CYP4Z1: variants seen among roughly 807,000 people sequenced by gnomAD.
CYP4Z1 encodes cytochrome P450 family 4 subfamily Z member 1, also known as cytochrome P450 4Z1.
In CYP4Z1, 41 loss-of-function variants were observed where a neutral mutation model predicts 54.2. That is an observed-to-expected ratio of 0.76 (90% CI 0.59 to 0.98). CYP4Z1 has a LOEUF of 0.98. Among genes scored for constraint, CYP4Z1 ranks in the 50% least tolerant of loss-of-function variants. The pLI, the probability that CYP4Z1 is intolerant of heterozygous loss-of-function variation, is 0.00. For missense variants in CYP4Z1, 513 were observed against 599.0 expected (o/e 0.86, Z 1.50); for synonymous variants, 163 against 206.2 (o/e 0.79, Z 1.79).
intron 9 of CYP4Z1, among the ~76,000 whole-genome samples, chr1:47,106,868 G>A (rs1644760992): frequency 6.6e-6 from 1 of 152,200 alleles, no homozygotes; most frequent in African/African-American, 2.4e-5. Context: ...ATACATTGGT[G>A]GAATGCAAGA....
Position 47,115,529 on chromosome 1 carries a change from G to T in CYP4Z1, c.1202G>T (p.Gly401Val), listed in dbSNP as rs747792357. 17 of 1,612,642 alleles carry T rather than the reference G, an allele frequency of 1.1e-5. No homozygotes were observed. The highest frequency in any genetic ancestry group is 9.9e-5 in the South Asian group (9 of 90,966). The change falls in exon 10 of 12, where the codon GGA becomes GTA. Residue 401 changes from glycine to valine, a missense_variant and splice_region_variant. Physicochemically the swap from Gly to Val is moderately radical, Grantham distance 109. Coordinates refer to ENST00000334194, the MANE Select transcript of CYP4Z1 (RefSeq NM_178134.3). ...CCTGCTTTTTCTTCTGTTTACTCAG[G>T]AATAACTGTGTTTATCAATATTTGG... ...TFPDGRSLPA[G>V]ITVFINIWAL...
chr1:47,062,739 T>G (rs9729445), upstream of CYP4Z1, among the ~76,000 whole-genome samples: 63,209 of 151,930 alleles, frequency 0.42, 14,473 homozygotes, highest in East Asian at 0.97. Flanking sequence ...GACCCCACCT[T>G]GTGGTCTTTC....
chr1:47,105,745 C>A (rs1292993447), intron 8 of CYP4Z1, among the ~76,000 whole-genome samples: 1 of 152,126 alleles, frequency 6.6e-6, no homozygotes, highest in Non-Finnish European at 1.5e-5. Flanking sequence ...AGAGCCACAT[C>A]CCTATTTTAT....
At chr1:47,077,685 A>AT (rs1569707879) in intron 2 of CYP4Z1, among the ~76,000 whole-genome samples, 1 of 149,564 alleles carries the variant, frequency 6.7e-6, no homozygotes, top group East Asian at 1.9e-4. Context: ...CAGTGGTGTC[A>AT]TCATAGCTCA....
At chr1:47,062,394 C>T (rs1193143711), upstream of CYP4Z1, among the ~76,000 whole-genome samples, 1 of 152,200 alleles carries the variant, frequency 6.6e-6, no homozygotes, top group Non-Finnish European at 1.5e-5. Context: ...AAGCCAAAAA[C>T]TGTGATTCTG....
intron 6 of CYP4Z1, among the ~76,000 whole-genome samples, chr1:47,092,849 T>TATCA (rs1437042188): frequency 6.8e-6 from 1 of 146,976 alleles, no homozygotes; most frequent in African/African-American, 2.5e-5. Flanking sequence ...TCTAAATACC[T>TATCA]ATCAGGGTCA....
intron 2 of CYP4Z1, among the ~76,000 whole-genome samples, chr1:47,076,840 G>A (rs1349798160): frequency 2.3e-4 from 5 of 22,128 alleles, no homozygotes; most frequent in African/African-American, 1.2e-3. Flanking sequence ...GCCAGACGCT[G>A]TCTCAAAAAA....
chr1:47,084,149 A>G (rs1644575137), intron 4 of CYP4Z1, among the ~76,000 whole-genome samples: 1 of 152,188 alleles, frequency 6.6e-6, no homozygotes, highest in African/African-American at 2.4e-5. Context: ...TCTTAACTGC[A>G]AACTCTTTGA....
In CYP4Z1 at chr1:47,116,568, G is replaced by A. The variant is rs541738045; in HGVS notation, c.1267-82G>A. 19 of 882,046 alleles carry A rather than the reference G, an allele frequency of 2.2e-5. No homozygotes were observed. In the African/African-American group the frequency reaches 2.9e-4, roughly 14 times the overall value. 54.6% of individuals were successfully genotyped at this position (882,046 alleles called of 1,614,324 possible). On this transcript the variant is annotated intron_variant, in intron 10 of 11. Transcript: ENST00000334194. Reference sequence around the variant, plus strand: ...TTGGAATTCTGTTAACAATATCTATGGATTTCGTTTTTGTTTTTGTTTTTG... The same window carrying A: ...TTGGAATTCTGTTAACAATATCTATAGATTTCGTTTTTGTTTTTGTTTTTG...
chr1:47,086,225 G>C (rs959305564), intron 6 of CYP4Z1, among the ~76,000 whole-genome samples: 13 of 152,034 alleles, frequency 8.6e-5, no homozygotes, highest in East Asian at 3.9e-4. Context: ...GGGATGGCTG[G>C]GTCAAATGGT....
intron 6 of CYP4Z1, among the ~76,000 whole-genome samples, chr1:47,089,858 C>T (rs935631599): frequency 6.6e-6 from 1 of 152,272 alleles, no homozygotes; most frequent in Middle Eastern, 3.2e-3. Context: ...CCCTTCACAG[C>T]AGTTAGGTTT....
chr1:47,103,595 C>CTTT (rs373166937), intron 8 of CYP4Z1, among the ~76,000 whole-genome samples: 10 of 96,034 alleles, frequency 1.0e-4, no homozygotes, highest in Non-Finnish European at 8.1e-5. Flanking sequence ...TCTTTTTTTT[C>CTTT]TTTTTTTTTT....
chr1:47,114,276 C>A (rs940041058), intron 9 of CYP4Z1, among the ~76,000 whole-genome samples: 1 of 152,202 alleles, frequency 6.6e-6, no homozygotes, highest in Admixed American at 6.5e-5. Context: ...CTTCCTTACA[C>A]CTTATACAAA....
chr1:47,069,551 C>A (rs1644477057), intron 2 of CYP4Z1, among the ~76,000 whole-genome samples: 1 of 151,522 alleles, frequency 6.6e-6, no homozygotes, highest in Non-Finnish European at 1.5e-5. Flanking sequence ...CTTTACTCTG[C>A]TCCCCTTTAT....
chr1:47,117,930 G>C lies in CYP4Z1; in HGVS notation c.1514G>C (p.Cys505Ser), dbSNP rs1644842943. 1.2e-6 allele frequency: 2 copies of C among 1,612,542 alleles called. No homozygotes were observed. The highest frequency in any genetic ancestry group is 1.7e-6 in the Non-Finnish European group (2 of 1,179,420). ...ATCCATGTGTTTGCAAAAAAAGTTT[G>C]CTAATTTTAAGTCCTTTCGTATAAG... ...NGIHVFAKKV[C>S] Residue 505 changes from cysteine (C) to serine (S), a missense_variant, in exon 12 of 12, where the codon TGC becomes TCC. Transcript: ENST00000334194.
At chr1:47,110,663 T>C (rs1644786651) in intron 9 of CYP4Z1, among the ~76,000 whole-genome samples, 3 of 152,186 alleles carry the variant, frequency 2.0e-5, no homozygotes, top group South Asian at 4.1e-4. Context: ...TGAACTTCAA[T>C]GGGCAGTCTG....
intron 6 of CYP4Z1, among the ~76,000 whole-genome samples, chr1:47,087,811 G>T (rs1644608145): frequency 1.3e-5 from 2 of 152,144 alleles, no homozygotes; most frequent in Admixed American, 1.3e-4. Context: ...TGCCCATTCA[G>T]TATGATATTA....
chr1:47,094,638 G>C lies in CYP4Z1; in HGVS notation c.845G>C (p.Trp282Ser). Residue 282 changes from tryptophan (W) to serine (S), a missense_variant, in exon 7 of 12, where the codon TGG becomes TCG. By Grantham distance (177) the Trp-to-Ser change is radical. Coordinates refer to ENST00000334194, the MANE Select transcript of CYP4Z1 (RefSeq NM_178134.3). ...CAAGATACTACTCAGAAAAGGCGCTGGGATTTTCTGGACATACTTTTGAGT... is the reference window on the plus strand; with the variant it reads ...CAAGATACTACTCAGAAAAGGCGCTCGGATTTTCTGGACATACTTTTGAGT... ...LKQDTTQKRR[W>S]DFLDILLSAK... The C allele has an allele frequency of 6.2e-7, 1 of 1,611,134 alleles. No individual in the cohort carries two copies. The highest frequency in any genetic ancestry group is 8.5e-7 in the Non-Finnish European group (1 of 1,178,870).
intron 9 of CYP4Z1, among the ~76,000 whole-genome samples, chr1:47,113,962 C>A (rs1468347265): frequency 3.3e-5 from 5 of 152,050 alleles, no homozygotes; most frequent in Non-Finnish European, 7.4e-5. Context: ...GTTCATATGG[C>A]ACCAAAAAAG....
Sources: allele counts gnomAD v4.1 joint callset (sites outside exome capture counted in the v4.1 genomes callset), GRCh38; gene constraint gnomAD v4.1.1; transcripts MANE v1.5; gene names NCBI Gene and HGNC (gene_info 2026-07-23, HGNC 2026-07-21).